Variants in SYN3 observed in about 807,000 individuals in gnomAD.
SYN3 encodes synapsin III, also known as synapsin-3.
SYN3 carries 35 observed loss-of-function variants against 65.8 expected under a neutral mutation model. The ratio of observed to expected loss-of-function variants is 0.53; its 90% CI spans 0.41 to 0.70. The LOEUF (loss-of-function observed/expected upper bound fraction) is 0.70. Ranked by LOEUF, SYN3 falls within the 30% of genes least tolerant of loss-of-function variation. The pLI, the probability that SYN3 is intolerant of heterozygous loss-of-function variation, is 0.00. For synonymous variants in SYN3, 270 were observed against 292.9 expected, an observed-to-expected ratio of 0.92 and a Z score of 0.80; for missense variants, 680 against 749.0, an observed-to-expected ratio of 0.91 and a Z score of 1.08.
At chr22:32,867,656 C>T (rs528320375) in intron 5 of SYN3, among the ~76,000 whole-genome samples, 1 of 152,168 alleles carries the variant, frequency 6.6e-6, no homozygotes, top group Non-Finnish European at 1.5e-5. Flanking sequence ...AATCTCAGCT[C>T]TCTGCAACCT....
At chr22:32,960,146 C>T (rs988228017) in intron 3 of SYN3, among the ~76,000 whole-genome samples, 1 of 152,160 alleles carries the variant, frequency 6.6e-6, no homozygotes, top group African/African-American at 2.4e-5. Context: ...CTTGCTGGCC[C>T]TGGAGGGAAT....
chr22:32,969,399 C>T lies in SYN3; in HGVS notation c.369+11246G>A, dbSNP rs184347559. Among the ~76,000 whole-genome samples, 184 of 152,336 alleles carry T rather than the reference C, an allele frequency of 1.2e-3. 1 individual carries two copies. Among genetic ancestry groups the T allele is most frequent in the Admixed American group, 3.6e-3 (55 of 15,304 alleles). On this transcript the variant is annotated intron_variant, in intron 3 of 13. Transcript: ENST00000358763. ...CTGCTTGGAGCTCTCCTTTGGCTAT[C>T]AGCTATGGTTCAGCACTCTATCCTA...
At chr22:32,610,774 T>G (rs2059431890) in intron 6 of SYN3, among the ~76,000 whole-genome samples, 1 of 151,940 alleles carries the variant, frequency 6.6e-6, no homozygotes, top group Non-Finnish European at 1.5e-5. Flanking sequence ...TAGAGACGGG[T>G]TTTCTCCATG....
chr22:32,698,125 A>G (rs2060762953), intron 6 of SYN3, among the ~76,000 whole-genome samples: 1 of 151,486 alleles, frequency 6.6e-6, no homozygotes, highest in Admixed American at 6.6e-5. Context: ...TTGGTTAAAC[A>G]CTATTATTGT....
intron 1 of SYN3, chr22:33,015,242 A>AATAT: frequency 4.7e-6 from 1 of 214,492 alleles, no homozygotes; most frequent in Non-Finnish European, 8.0e-6. Context: ...AAAAAAAAAA[A>AATAT]CTACTGTATC....
chr22:33,008,213 A>T (rs1601894502), intron 1 of SYN3, among the ~76,000 whole-genome samples: 1 of 152,270 alleles, frequency 6.6e-6, no homozygotes, highest in Non-Finnish European at 1.5e-5. Context: ...CTGGGATCAC[A>T]GGCGTGAGCC....
chr22:32,771,972 G>A (rs759368722), intron 6 of SYN3, among the ~76,000 whole-genome samples: 4 of 152,134 alleles, frequency 2.6e-5, no homozygotes, highest in African/African-American at 4.8e-5. Context: ...GAGCACAGCC[G>A]TTTAATGTGG....
At chr22:33,029,984 G>A (rs1569414315) in intron 1 of SYN3, among the ~76,000 whole-genome samples, 1 of 152,052 alleles carries the variant, frequency 6.6e-6, no homozygotes, top group Non-Finnish European at 1.5e-5. Context: ...TTCTTCAGTT[G>A]GCTGTTTTTG....
At chr22:32,716,362 C>G (rs1038261060) in intron 6 of SYN3, among the ~76,000 whole-genome samples, 2 of 151,944 alleles carry the variant, frequency 1.3e-5, no homozygotes, top group Non-Finnish European at 1.5e-5. Context: ...CCACTGAGAA[C>G]TTCAGTTTAA....
chr22:32,959,106 C>T (rs1318772334), intron 3 of SYN3, among the ~76,000 whole-genome samples: 3 of 152,046 alleles, frequency 2.0e-5, no homozygotes, highest in Non-Finnish European at 2.9e-5. Flanking sequence ...AATTGTACTC[C>T]CACAAGTCCC....
chr22:32,566,107 C>T (rs1197691063), intron 7 of SYN3, among the ~76,000 whole-genome samples: 1 of 152,034 alleles, frequency 6.6e-6, no homozygotes, highest in African/African-American at 2.4e-5. Flanking sequence ...TCTCCTAAAG[C>T]ACTGGGATTA....
intron 6 of SYN3, among the ~76,000 whole-genome samples, chr22:32,659,118 C>T (rs2060182080): frequency 6.6e-6 from 1 of 152,164 alleles, no homozygotes; most frequent in South Asian, 2.1e-4. Flanking sequence ...GGACAGGCGT[C>T]CTAACAGTGT....
At chr22:33,015,267 C>T (rs1010111231) in intron 1 of SYN3, 27 of 455,848 alleles carry the variant, frequency 5.9e-5, no homozygotes, top group Non-Finnish European at 9.6e-5. Flanking sequence ...ACGAGACTAT[C>T]CAAAAGGAGC....
chr22:32,895,195 G>A (rs568921271), intron 4 of SYN3, among the ~76,000 whole-genome samples: 1 of 152,316 alleles, frequency 6.6e-6, no homozygotes, highest in African/African-American at 2.4e-5. Flanking sequence ...TGGGAAATCA[G>A]TGAATGAGTA....
intron 4 of SYN3, among the ~76,000 whole-genome samples, chr22:32,869,991 C>G (rs909783591): frequency 2.0e-4 from 30 of 152,070 alleles, no homozygotes; most frequent in African/African-American, 6.8e-4. Context: ...CACAGGGCCC[C>G]AGGAGGATTC....
intron 4 of SYN3, among the ~76,000 whole-genome samples, chr22:32,902,948 T>C (rs1303270797): frequency 1.3e-5 from 2 of 152,064 alleles, no homozygotes; most frequent in Admixed American, 6.5e-5. Flanking sequence ...AGTTAATAAC[T>C]TTCCCAGTTT....
intron 7 of SYN3, among the ~76,000 whole-genome samples, chr22:32,570,747 T>C (rs952583640): frequency 1.3e-5 from 2 of 152,066 alleles, no homozygotes; most frequent in Admixed American, 1.3e-4. Context: ...GCAGGTAGCT[T>C]GGATAGGGTT....
At chr22:32,766,690 T>A (rs2045636790) in intron 6 of SYN3, among the ~76,000 whole-genome samples, 1 of 152,192 alleles carries the variant, frequency 6.6e-6, no homozygotes, top group South Asian at 2.1e-4. Flanking sequence ...ACCAAATATC[T>A]TGATGTTTTC....
chr22:32,930,235 C>G lies in SYN3; in HGVS notation c.461+1155G>C, dbSNP rs141465831. Among the ~76,000 whole-genome samples the G allele has an allele frequency of 9.2e-3, 1,398 of 152,232 alleles. 18 individuals carry two copies. The highest frequency in any genetic ancestry group is 0.031 in the African/African-American group (1,301 of 41,544). On this transcript the variant is annotated intron_variant, in intron 4 of 13. Transcript: ENST00000358763. ...GGGACCTGGTGGGAGGTAATTGAAT[C>G]ATGGGGGCGGGTCTTTCTCATGCTG...
Sources: allele counts gnomAD v4.1 joint callset (sites outside exome capture counted in the v4.1 genomes callset), GRCh38; gene constraint gnomAD v4.1.1; transcripts MANE v1.5; gene names NCBI Gene and HGNC (gene_info 2026-07-23, HGNC 2026-07-21).